The following PCCA variants were observed in gnomAD, a reference collection of about 807,000 sequenced individuals.
The protein encoded by PCCA is propionyl-CoA carboxylase alpha chain, mitochondrial.
In PCCA, 74 loss-of-function variants were observed where a neutral mutation model predicts 101.3. That is an observed-to-expected ratio of 0.73 (90% CI 0.61 to 0.89). PCCA has a LOEUF of 0.89. PCCA is among the 40% of genes least tolerant of loss of function. The probability of loss-of-function intolerance (pLI) is 0.00; values close to 1 mark genes in which losing one functional copy is unlikely to be tolerated. For synonymous variants in PCCA, 294 were observed against 313.6 expected (o/e 0.94, Z 0.66); for missense variants, 891 against 907.0 (o/e 0.98, Z 0.23).
At chr13:100,282,701 C>A (rs1166799587) in intron 12 of PCCA, among the ~76,000 whole-genome samples, 1 of 152,220 alleles carries the variant, frequency 6.6e-6, no homozygotes, top group African/African-American at 2.4e-5. Context: ...AATTACAATA[C>A]TATCCTGCAG....
intron 12 of PCCA, chr13:100,293,310 G>T: frequency 2.2e-6 from 1 of 459,176 alleles, no homozygotes; most frequent in South Asian, 1.6e-5. Flanking sequence ...CTCATCAGGG[G>T]GAATTCTGCA....
Position 100,445,332 on chromosome 13 carries a change from A to G in PCCA, c.1846-3920A>G, listed in dbSNP as rs190900817. 7.3e-4 allele frequency among the ~76,000 whole-genome samples: 111 copies of G among 152,352 alleles called. 1 individual carries two copies. Among genetic ancestry groups the G allele is most frequent in the African/African-American group, 2.1e-3 (88 of 41,588 alleles). Reference sequence around the variant, plus strand: ...TTTCAAACTTTCACACATGTACAACATGTTTTGAAGTACACACTTCAAACA... The same window carrying G: ...TTTCAAACTTTCACACATGTACAACGTGTTTTGAAGTACACACTTCAAACA... On this transcript the variant is annotated intron_variant, in intron 20 of 23. Coordinates refer to ENST00000376285, the MANE Select transcript of PCCA (RefSeq NM_000282.4).
At chr13:100,497,238 A>G (rs1340252048) in intron 21 of PCCA, among the ~76,000 whole-genome samples, 1 of 152,226 alleles carries the variant, frequency 6.6e-6, no homozygotes, top group Non-Finnish European at 1.5e-5. Flanking sequence ...GAAAATAAAA[A>G]TCATCTTTGC....
At chr13:100,243,828 G>A (rs1212636128) in intron 8 of PCCA, among the ~76,000 whole-genome samples, 1 of 152,048 alleles carries the variant, frequency 6.6e-6, no homozygotes, top group Admixed American at 6.6e-5. Flanking sequence ...TTCTGCCCTG[G>A]CTGTTTGCCT....
intron 1 of PCCA, among the ~76,000 whole-genome samples, chr13:100,096,111 A>C (rs2046750072): frequency 6.6e-6 from 1 of 152,148 alleles, no homozygotes; most frequent in Non-Finnish European, 1.5e-5. Context: ...GATGTACCTC[A>C]TATCTTGGCT....
intron 23 of PCCA, among the ~76,000 whole-genome samples, chr13:100,528,559 A>C (rs1300943783): frequency 6.6e-6 from 1 of 152,202 alleles, no homozygotes; most frequent in Non-Finnish European, 1.5e-5. Context: ...GTCACTGCAG[A>C]AGGCAATGAA....
intron 19 of PCCA, among the ~76,000 whole-genome samples, chr13:100,419,688 G>A (rs894399055): frequency 2.6e-5 from 4 of 152,252 alleles, no homozygotes; most frequent in Non-Finnish European, 5.9e-5. Context: ...AGACGCCAGT[G>A]TAGACTGAAA....
At chr13:100,268,847 C>A in intron 11 of PCCA, 64 bp downstream of exon 11, 1 of 1,051,446 alleles carries the variant, frequency 9.5e-7, no homozygotes. Flanking sequence ...TTCATTCATT[C>A]ATTCATCATT....
chr13:100,142,064 T>C (rs1032255460), intron 4 of PCCA, among the ~76,000 whole-genome samples: 5 of 152,120 alleles, frequency 3.3e-5, no homozygotes, highest in Non-Finnish European at 7.4e-5. Flanking sequence ...TTTTATTATA[T>C]ACAGTTTTTC....
At chr13:100,352,015 AT>A (rs1213413114) in intron 18 of PCCA, among the ~76,000 whole-genome samples, 1 of 152,202 alleles carries the variant, frequency 6.6e-6, no homozygotes, top group Non-Finnish European at 1.5e-5. Context: ...ACTTTAAAAA[AT>A]AGTATTAGTA....
intron 21 of PCCA, among the ~76,000 whole-genome samples, chr13:100,484,256 G>T (rs1474725067): frequency 6.6e-6 from 1 of 152,032 alleles, no homozygotes; most frequent in Non-Finnish European, 1.5e-5. Flanking sequence ...AAACTGTAAG[G>T]ACTGTGTCCC....
chr13:100,390,827 A>T (rs552295420), intron 19 of PCCA, among the ~76,000 whole-genome samples: 71 of 152,228 alleles, frequency 4.7e-4, no homozygotes, highest in Non-Finnish European at 9.3e-4. Context: ...GAGTTCAGAC[A>T]TTGAGATATG....
At chr13:100,324,165 T>C (rs2068383433) in intron 16 of PCCA, among the ~76,000 whole-genome samples, 1 of 152,248 alleles carries the variant, frequency 6.6e-6, no homozygotes, top group Non-Finnish European at 1.5e-5. Context: ...CCTGATGTAA[T>C]TTCTGCCTTC....
At chr13:100,506,972 G>A (rs1420752556) in intron 21 of PCCA, among the ~76,000 whole-genome samples, 2 of 152,034 alleles carry the variant, frequency 1.3e-5, no homozygotes, top group East Asian at 1.9e-4. Context: ...CTTTCTTACC[G>A]GTTTACCAAA....
chr13:100,355,581 C>A lies in PCCA; in HGVS notation c.1644-12891C>A, dbSNP rs140424851. ...ACTCTATATAGCACCAAAAAATATA[C>A]AATACTTAAATGTAAATTTTAAACA... On this transcript the variant is annotated intron_variant, in intron 18 of 23. Transcript: ENST00000376285. Among the ~76,000 whole-genome samples, 1,004 of 152,118 alleles carry A rather than the reference C, an allele frequency of 6.6e-3. 14 individuals are homozygous for A. The highest frequency in any genetic ancestry group is 0.023 in the African/African-American group (943 of 41,534).
intron 4 of PCCA, among the ~76,000 whole-genome samples, chr13:100,148,523 A>G (rs1237938901): frequency 1.4e-5 from 2 of 147,168 alleles, no homozygotes; most frequent in Non-Finnish European, 3.0e-5. Context: ...GTTTTGCTTG[A>G]ATACTTGATG....
At chr13:100,503,322 C>T (rs1222115256) in intron 21 of PCCA, among the ~76,000 whole-genome samples, 1 of 151,994 alleles carries the variant, frequency 6.6e-6, no homozygotes, top group African/African-American at 2.4e-5. Context: ...GAAACCCTGT[C>T]TCTACTAAAA....
intron 8 of PCCA, among the ~76,000 whole-genome samples, chr13:100,257,144 G>C (rs1276120602): frequency 6.6e-6 from 1 of 152,154 alleles, no homozygotes. Context: ...GGGGTTGTCT[G>C]TGACTCTTCA....
chr13:100,327,077 A>G (rs2068775600), intron 16 of PCCA, among the ~76,000 whole-genome samples: 1 of 152,154 alleles, frequency 6.6e-6, no homozygotes, highest in African/African-American at 2.4e-5. Flanking sequence ...ATTGAGGTAT[A>G]CTTGACATAA....
Sources: gnomAD v4.1 joint callset for allele counts (sites outside exome capture counted in the v4.1 genomes callset) on GRCh38, gnomAD v4.1.1 for gene constraint, MANE v1.5 for transcripts, NCBI Gene and HGNC (gene_info 2026-07-23, HGNC 2026-07-21) for gene names.